Variants in GUCY1A2 observed in about 807,000 individuals in gnomAD.
The protein encoded by GUCY1A2 is guanylate cyclase soluble subunit alpha-2.
In GUCY1A2, 27 loss-of-function variants were observed where a neutral mutation model predicts 63.5. The ratio of observed to expected loss-of-function variants is 0.43; its 90% CI spans 0.31 to 0.59. The LOEUF (loss-of-function observed/expected upper bound fraction) is 0.59, where lower values mean the gene tolerates loss of function less well. GUCY1A2 is among the 20% of genes least tolerant of loss of function. GUCY1A2 has a pLI of 0.11. For synonymous variants in GUCY1A2, 364 were observed against 343.5 expected (o/e 1.06, Z -0.66); for missense variants, 768 against 913.3 (o/e 0.84, Z 2.05).
intron 5 of GUCY1A2, among the ~76,000 whole-genome samples, chr11:106,806,865 G>A (rs1346848317): frequency 6.6e-6 from 1 of 152,168 alleles, no homozygotes; most frequent in African/African-American, 2.4e-5. Flanking sequence ...GTCATATTAT[G>A]TCTTAATTTA....
At chr11:106,698,859 GTCAT>G (rs1358294165) in intron 7 of GUCY1A2, among the ~76,000 whole-genome samples, 3 of 151,674 alleles carry the variant, frequency 2.0e-5, no homozygotes, top group Non-Finnish European at 3.0e-5. Context: ...ATTTTATTTG[GTCAT>G]TCATTTATTT....
At chr11:106,827,384 C>G in intron 4 of GUCY1A2, 8 of 1,536,956 alleles carry the variant, frequency 5.2e-6, no homozygotes, top group Non-Finnish European at 7.2e-6. Context: ...GCCCAAATCA[C>G]TTCACAGCCT....
At chr11:106,734,978 T>G (rs1057244070) in intron 6 of GUCY1A2, among the ~76,000 whole-genome samples, 1 of 152,122 alleles carries the variant, frequency 6.6e-6, no homozygotes, top group Non-Finnish European at 1.5e-5. Flanking sequence ...TATTTTCTTT[T>G]AATTTTTATT....
chr11:106,766,975 T>C (rs998241788), intron 6 of GUCY1A2, among the ~76,000 whole-genome samples: 3 of 152,004 alleles, frequency 2.0e-5, no homozygotes, highest in Admixed American at 6.6e-5. Flanking sequence ...AAACGTCAGA[T>C]AAATAAAAAC....
chr11:106,919,188 G>A (rs527357567), intron 4 of GUCY1A2, among the ~76,000 whole-genome samples: 1 of 152,158 alleles, frequency 6.6e-6, no homozygotes, highest in East Asian at 1.9e-4. Context: ...TTTGTCCAAT[G>A]CTCATGTTCA....
chr11:106,760,508 T>C (rs1864048011), intron 6 of GUCY1A2, among the ~76,000 whole-genome samples: 1 of 152,194 alleles, frequency 6.6e-6, no homozygotes, highest in Non-Finnish European at 1.5e-5. Context: ...CACTTTTTAA[T>C]ACATGAATAG....
chr11:106,829,712 A>T (rs2135436044), intron 4 of GUCY1A2, among the ~76,000 whole-genome samples: 1 of 152,306 alleles, frequency 6.6e-6, no homozygotes, highest in African/African-American at 2.4e-5. Context: ...GGGGTGACTG[A>T]CCTGGACTAT....
Position 106,675,384 on chromosome 11 carries a change from A to G in GUCY1A2, c.*12165T>C, listed in dbSNP as rs1862328327. The G allele has an allele frequency of 5.0e-6, 1 of 198,536 alleles. No homozygotes were observed. The highest frequency in any genetic ancestry group is 6.1e-5 in the Admixed American group (1 of 16,470). The allele number at this position is 198,536 out of a possible 1,614,324, so 12.3% of individuals were successfully genotyped here. On this transcript the variant is annotated 3_prime_UTR_variant, in exon 8 of 8. Transcript: ENST00000526355. ...ATTTGAACCTAACCTGAATTCCCTCATAGTCAAAACCTGCCATGATGATGT... is the reference window on the plus strand; with the variant it reads ...ATTTGAACCTAACCTGAATTCCCTCGTAGTCAAAACCTGCCATGATGATGT...
chr11:106,691,913 G>A (rs1460206769), intron 7 of GUCY1A2, among the ~76,000 whole-genome samples: 1 of 152,142 alleles, frequency 6.6e-6, no homozygotes, highest in Non-Finnish European at 1.5e-5. Flanking sequence ...ATATTCAGTT[G>A]ACTTCCAATA....
chr11:106,884,757 T>A (rs888401308), intron 4 of GUCY1A2, among the ~76,000 whole-genome samples: 1 of 152,170 alleles, frequency 6.6e-6, no homozygotes, highest in Non-Finnish European at 1.5e-5. Context: ...TTCTAGTTTT[T>A]ATAATTTTTA....
chr11:107,013,300 G>C (rs1441183336), intron 1 of GUCY1A2, among the ~76,000 whole-genome samples: 1 of 152,072 alleles, frequency 6.6e-6, no homozygotes, highest in Non-Finnish European at 1.5e-5. Flanking sequence ...GCCCTTATAT[G>C]ACTCTAGTGG....
intron 6 of GUCY1A2, among the ~76,000 whole-genome samples, chr11:106,709,122 CAG>C (rs1862975569): frequency 8.6e-6 from 1 of 116,134 alleles, no homozygotes; most frequent in South Asian, 2.5e-4. Context: ...ATTTTCCCAT[CAG>C]AGAAGGATAT....
intron 1 of GUCY1A2, among the ~76,000 whole-genome samples, chr11:106,989,506 C>T (rs543445892): frequency 1.9e-4 from 29 of 152,124 alleles, no homozygotes; most frequent in South Asian, 1.7e-3. Context: ...GACACACAGT[C>T]GGTGTGTAAT....
chr11:106,827,257 T>G (rs2135434251), intron 4 of GUCY1A2: 8 of 1,550,930 alleles, frequency 5.2e-6, no homozygotes, highest in Non-Finnish European at 7.1e-6. Flanking sequence ...TTCAGTTGTA[T>G]ATCTGGTTCT....
intron 7 of GUCY1A2, among the ~76,000 whole-genome samples, chr11:106,695,824 G>A (rs981212063): frequency 6.6e-6 from 1 of 152,146 alleles, no homozygotes; most frequent in African/African-American, 2.4e-5. Context: ...TGCGTTTTAA[G>A]GTTGCAAATA....
rs1862356228 is a variant in GUCY1A2, at chr11:106,676,934, T to C, written c.*10615A>G. On this transcript the variant is annotated 3_prime_UTR_variant, in exon 8 of 8. Coordinates refer to ENST00000526355, the MANE Select transcript of GUCY1A2 (RefSeq NM_000855.3). ...TAAATTCAATGAAAATGAACACACA[T>C]AGATTTTTATAGACCCACATTTCTC... The C allele has an allele frequency of 4.8e-6, 1 of 208,130 alleles. No homozygotes were observed. The highest frequency in any genetic ancestry group is 2.3e-5 in the African/African-American group (1 of 43,928). 12.9% of individuals were successfully genotyped at this position (208,130 alleles called of 1,614,324 possible).
At chr11:106,709,270 T>TTC (rs1862987473) in intron 6 of GUCY1A2, among the ~76,000 whole-genome samples, 1 of 55,404 alleles carries the variant, frequency 1.8e-5, no homozygotes, top group African/African-American at 9.3e-5. Context: ...TAAATATATT[T>TTC]ATATATATAA....
chr11:106,925,691 T>C (rs560885172), intron 4 of GUCY1A2, among the ~76,000 whole-genome samples: 132 of 152,330 alleles, frequency 8.7e-4, no homozygotes, highest in Non-Finnish European at 1.5e-3. Context: ...ATCTTGAGAC[T>C]CCACGCTATC....
rs1319500722 is a variant in GUCY1A2 at position 106,687,836 on chromosome 11, GA to G, written c.1992-81del. The G allele has an allele frequency of 3.2e-6, 3 of 928,980 alleles. No homozygotes were observed. The African/African-American group carries it at 4.9e-5, about 15-fold the overall frequency. 57.5% of individuals were successfully genotyped at this position (928,980 alleles called of 1,614,324 possible). ...ATGGACAGAAATTTTAAAGGCTCAG[GA>G]AGCCTATCTCTGACTGTTCATGGTA... On this transcript the variant is annotated intron_variant, in intron 7 of 7. Coordinates refer to ENST00000526355, the MANE Select transcript of GUCY1A2 (RefSeq NM_000855.3).
Sources: allele counts gnomAD v4.1 joint callset (sites outside exome capture counted in the v4.1 genomes callset), GRCh38; gene constraint gnomAD v4.1.1; transcripts MANE v1.5; gene names NCBI Gene and HGNC (gene_info 2026-07-23, HGNC 2026-07-21).